The following ART3 variants were observed in gnomAD, a reference collection of about 807,000 sequenced individuals.
ART3 encodes ADP-ribosyltransferase 3 (inactive), also known as ecto-ADP-ribosyltransferase 3.
ART3 carries 49 observed loss-of-function variants against 48.5 expected under a neutral mutation model. That is an observed-to-expected ratio of 1.01 (90% CI 0.80 to 1.28). The LOEUF (loss-of-function observed/expected upper bound fraction) is 1.28. Ranked by LOEUF, ART3 falls within the 50% of genes most tolerant of loss-of-function variation. The pLI is 0.00. For synonymous variants in ART3, 145 were observed against 157.2 expected (o/e 0.92, Z 0.58); for missense variants, 438 against 454.3 (o/e 0.96, Z 0.33).
At chr4:76,020,391 C>T (rs1410302920) in intron 1 of ART3, among the ~76,000 whole-genome samples, 1 of 152,208 alleles carries the variant, frequency 6.6e-6, no homozygotes, top group Non-Finnish European at 1.5e-5. Context: ...AGCCACCACA[C>T]CCAGCCTTGT....
intron 3 of ART3, among the ~76,000 whole-genome samples, chr4:76,091,086 A>G (rs901825632): frequency 1.3e-5 from 2 of 152,214 alleles, no homozygotes; most frequent in African/African-American, 4.8e-5. Flanking sequence ...ATGTATCAAT[A>G]GTTTATTTAT....
rs772659710 is a variant in ART3 at position 76,104,647 on chromosome 4, A to G, written c.1003+18A>G. 5.8e-6 allele frequency: 9 copies of G among 1,551,572 alleles called. No homozygotes were observed. In the South Asian group the frequency reaches 1.1e-4, roughly 18 times the overall value. ...ACTACCTGGTAAGCAACTGATAGGC[A>G]TGCCAGAGGGGAACATGCCAGTTTG... On this transcript the variant is annotated intron_variant, in intron 10 of 11. Coordinates refer to ENST00000355810, the MANE Select transcript of ART3 (RefSeq NM_001130016.3).
chr4:76,097,710 G>T, intron 4 of ART3, 34 bp downstream of exon 4: 1 of 1,557,590 alleles, frequency 6.4e-7, no homozygotes, highest in South Asian at 1.1e-5. Flanking sequence ...CCCTATAATA[G>T]GAATTTTATC....
At chr4:76,105,700 A>G in intron 10 of ART3, 1 of 1,044,676 alleles carries the variant, frequency 9.6e-7, no homozygotes, top group Non-Finnish European at 1.2e-6. Context: ...CAGACAGGGA[A>G]AGTGTTGAGA....
chr4:76,086,857 C>T (rs1723700859), intron 3 of ART3, among the ~76,000 whole-genome samples: 1 of 152,176 alleles, frequency 6.6e-6, no homozygotes, highest in Admixed American at 6.5e-5. Context: ...TTCTTTCCTG[C>T]TCCCCCTATG....
At chr4:76,070,895 CTCTTA>C (rs1165295511), upstream of ART3, among the ~76,000 whole-genome samples, 1 of 152,002 alleles carries the variant, frequency 6.6e-6, no homozygotes, top group African/African-American at 2.4e-5. Flanking sequence ...ACCTCTCCTG[CTCTTA>C]TCTAAGGCCA....
At chr4:76,093,057 C>CT (rs1333704963) in intron 3 of ART3, among the ~76,000 whole-genome samples, 1 of 152,122 alleles carries the variant, frequency 6.6e-6, no homozygotes, top group African/African-American at 2.4e-5. Context: ...TGTTTTCTTG[C>CT]TTTTTCCAGC....
upstream of ART3, among the ~76,000 whole-genome samples, chr4:76,072,291 C>T (rs1185436124): frequency 6.6e-6 from 1 of 152,086 alleles, no homozygotes; most frequent in Non-Finnish European, 1.5e-5. Flanking sequence ...TTTTAGAACC[C>T]ACAAATGCTT....
At chr4:76,071,587 A>T (rs13106039), upstream of ART3, among the ~76,000 whole-genome samples, 31,383 of 152,110 alleles carry the variant, frequency 0.21, 5,515 homozygotes, top group African/African-American at 0.48. Flanking sequence ...CTGCTCTTAA[A>T]CAAAACTTTC....
At chr4:76,062,238 G>C (rs1719284448) in intron 1 of ART3, among the ~76,000 whole-genome samples, 1 of 152,170 alleles carries the variant, frequency 6.6e-6, no homozygotes, top group South Asian at 2.1e-4. Context: ...CTGTTCCAGA[G>C]AGAGTAAGCT....
chr4:76,049,727 G>A lies in ART3; in HGVS notation c.-9-26154G>A, dbSNP rs559767434. ...CTTGGCGATAGGCGATTGTCTCACCGCTCGGCGATAGGCGATGGTCTTACC... is the reference window on the plus strand; with the variant it reads ...CTTGGCGATAGGCGATTGTCTCACCACTCGGCGATAGGCGATGGTCTTACC... On this transcript the variant is annotated intron_variant, in intron 1 of 9. Transcript: ENST00000341029. Among the ~76,000 whole-genome samples, 28 of 151,926 alleles carry A rather than the reference G, an allele frequency of 1.8e-4. 1 individual carries two copies. Among genetic ancestry groups the A allele is most frequent in the African/African-American group, 4.1e-4 (17 of 41,498 alleles).
chr4:76,083,039 A>G (rs187394410), intron 3 of ART3, among the ~76,000 whole-genome samples: 2 of 152,306 alleles, frequency 1.3e-5, no homozygotes, highest in East Asian at 3.9e-4. Flanking sequence ...AAATAAAAAT[A>G]AATTAAAAAT....
intron 1 of ART3, among the ~76,000 whole-genome samples, chr4:76,050,087 G>A (rs531099285): frequency 2.0e-4 from 31 of 152,108 alleles, no homozygotes; most frequent in East Asian, 1.9e-4. Flanking sequence ...AGACTTTCGC[G>A]GTGAGTGTTA....
intron 1 of ART3, chr4:76,034,451 A>T: frequency 2.0e-6 from 1 of 492,740 alleles, no homozygotes; most frequent in Non-Finnish European, 3.5e-6. Context: ...CTAGAAATGC[A>T]TGAATGTATA....
chr4:76,099,311 A>G (rs1316319283), intron 5 of ART3: 4 of 333,900 alleles, frequency 1.2e-5, no homozygotes, highest in Non-Finnish European at 2.3e-5. Flanking sequence ...TCCAAAGTTA[A>G]TAATAATAAT....
At chr4:76,011,614 G>A (rs1394979447) in intron 1 of ART3, among the ~76,000 whole-genome samples, 17 of 152,246 alleles carry the variant, frequency 1.1e-4, no homozygotes, top group Admixed American at 1.1e-3. Flanking sequence ...TCAGTTGGGA[G>A]TCACTGAGGC....
chr4:76,047,255 T>C (rs1257216573), intron 1 of ART3, among the ~76,000 whole-genome samples: 6 of 152,042 alleles, frequency 3.9e-5, no homozygotes, highest in Non-Finnish European at 7.4e-5. Flanking sequence ...AAGGCTTGTT[T>C]GTCTGAGGGC....
At chr4:76,083,985 C>T (rs1190122447) in intron 3 of ART3, among the ~76,000 whole-genome samples, 1 of 152,200 alleles carries the variant, frequency 6.6e-6, no homozygotes, top group Non-Finnish European at 1.5e-5. Context: ...CAGGTCATAG[C>T]TCAGTTAGAG....
intron 11 of ART3, among the ~76,000 whole-genome samples, chr4:76,108,849 G>A (rs976217391): frequency 8.5e-5 from 13 of 152,060 alleles, no homozygotes; most frequent in African/African-American, 1.7e-4. Flanking sequence ...TGTAGGCAGC[G>A]GTAACACAGT....
Sources: gnomAD v4.1 joint callset for allele counts (sites outside exome capture counted in the v4.1 genomes callset) on GRCh38, gnomAD v4.1.1 for gene constraint, MANE v1.5 for transcripts, NCBI Gene and HGNC (gene_info 2026-07-23, HGNC 2026-07-21) for gene names.